PDLIM5: variants seen among roughly 807,000 people sequenced by gnomAD.
PDLIM5 encodes the protein PDZ and LIM domain protein 5.
Under a neutral mutation model 64.2 loss-of-function variants are expected in PDLIM5, and 34 were observed. That is an observed-to-expected ratio of 0.53 (90% confidence interval 0.40 to 0.71). The LOEUF (loss-of-function observed/expected upper bound fraction) is 0.71, where lower values mean the gene tolerates loss of function less well. PDLIM5 is among the 30% of genes least tolerant of loss of function. The pLI, the probability that PDLIM5 is intolerant of heterozygous loss-of-function variation, is 0.00. For missense variants in PDLIM5, 683 were observed against 733.6 expected, an observed-to-expected ratio of 0.93 and a Z score of 0.80; for synonymous variants, 253 against 269.1, an observed-to-expected ratio of 0.94 and a Z score of 0.59.
chr4:94,539,493 A>C (rs544428975), intron 3 of PDLIM5, among the ~76,000 whole-genome samples: 1 of 152,302 alleles, frequency 6.6e-6, no homozygotes, highest in Non-Finnish European at 1.5e-5. Context: ...ATTTAACTAC[A>C]GTGGTATGCC....
chr4:94,511,621 AC>A (rs1460387304), intron 2 of PDLIM5, among the ~76,000 whole-genome samples: 1 of 132,722 alleles, frequency 7.5e-6, no homozygotes, highest in Non-Finnish European at 1.6e-5. Flanking sequence ...ACACACACAC[AC>A]CCCTCCACTA....
Position 94,482,871 on chromosome 4 carries a change from A to G in PDLIM5, c.96+27487A>G, listed in dbSNP as rs969128485. On this transcript the variant is annotated intron_variant, in intron 2 of 12. Coordinates refer to ENST00000317968, the MANE Select transcript of PDLIM5 (RefSeq NM_006457.5). ...GCCACTGCACTCGAGCCTGGGTGACAGACCAAGACCCTGTCACTAAAATAA... is the reference window on the plus strand; with the variant it reads ...GCCACTGCACTCGAGCCTGGGTGACGGACCAAGACCCTGTCACTAAAATAA... 9.2e-5 allele frequency among the ~76,000 whole-genome samples: 14 copies of G among 152,190 alleles called. 1 individual carries two copies. The highest frequency in any genetic ancestry group is 2.1e-4 in the Non-Finnish European group (14 of 68,040).
chr4:94,551,143 T>C (rs1230935473), intron 3 of PDLIM5, among the ~76,000 whole-genome samples: 1 of 152,148 alleles, frequency 6.6e-6, no homozygotes, highest in Non-Finnish European at 1.5e-5. Flanking sequence ...GTAATGCCTC[T>C]GCTAGAAAAG....
chr4:94,629,681 TC>T (rs1267051912), intron 8 of PDLIM5, among the ~76,000 whole-genome samples: 1 of 152,230 alleles, frequency 6.6e-6, no homozygotes, highest in Admixed American at 6.5e-5. Flanking sequence ...GAAGCTAGCC[TC>T]CTGAAGATGT....
At chr4:94,553,376 T>A (rs1326849561) in intron 3 of PDLIM5, among the ~76,000 whole-genome samples, 2 of 152,214 alleles carry the variant, frequency 1.3e-5, no homozygotes, top group Non-Finnish European at 2.9e-5. Flanking sequence ...CCCAAAGTGC[T>A]GGGATTACAG....
intron 7 of PDLIM5, chr4:94,608,168 A>G (rs1177840976): frequency 2.6e-6 from 4 of 1,529,940 alleles, no homozygotes; most frequent in Non-Finnish European, 3.5e-6. Flanking sequence ...AGTAGCAACT[A>G]CTTATTCTAG....
intron 3 of PDLIM5, among the ~76,000 whole-genome samples, chr4:94,560,539 T>C (rs1333764811): frequency 6.6e-6 from 1 of 152,194 alleles, no homozygotes; most frequent in Non-Finnish European, 1.5e-5. Context: ...TATAAATCCC[T>C]TGTTATTACT....
chr4:94,625,339 C>T (rs189621810), intron 8 of PDLIM5, among the ~76,000 whole-genome samples: 11 of 152,240 alleles, frequency 7.2e-5, no homozygotes, highest in Admixed American at 2.6e-4. Context: ...TATTATTAAA[C>T]GTGTCCATGG....
intron 2 of PDLIM5, among the ~76,000 whole-genome samples, chr4:94,482,076 A>G (rs1719966740): frequency 6.6e-6 from 1 of 151,844 alleles, no homozygotes; most frequent in Non-Finnish European, 1.5e-5. Context: ...TTCTATTTTT[A>G]ATCATCTGTG....
intron 2 of PDLIM5, among the ~76,000 whole-genome samples, chr4:94,522,713 CT>C (rs1321472409): frequency 3.9e-5 from 6 of 152,178 alleles, no homozygotes; most frequent in Non-Finnish European, 7.3e-5. Flanking sequence ...GACCTTCTGA[CT>C]TACCTAGTTC....
intron 2 of PDLIM5, chr4:94,457,118 T>A: frequency 2.2e-6 from 2 of 913,380 alleles, no homozygotes; most frequent in Non-Finnish European, 2.6e-6. Context: ...GTATCCAACT[T>A]CATTTTGAAA....
At chr4:94,517,366 T>C (rs1440402618) in intron 2 of PDLIM5, among the ~76,000 whole-genome samples, 2 of 152,226 alleles carry the variant, frequency 1.3e-5, no homozygotes, top group Admixed American at 6.5e-5. Flanking sequence ...CATAGTCTTA[T>C]ATGTCCAGAT....
chr4:94,573,224 G>A, intron 3 of PDLIM5, 127 bp from the exon 4 acceptor site: 1 of 685,900 alleles, frequency 1.5e-6, no homozygotes, highest in Admixed American at 2.8e-5. Context: ...TATGAATTAT[G>A]AAACGATACA....
intron 8 of PDLIM5, among the ~76,000 whole-genome samples, chr4:94,620,783 C>G (rs567617411): frequency 2.6e-5 from 4 of 152,042 alleles, no homozygotes; most frequent in African/African-American, 9.6e-5. Context: ...AGTGGCTGGG[C>G]ACAGTGACTC....
In PDLIM5 at chr4:94,523,759, A is replaced by G. The variant is rs1052449315; in HGVS notation, c.132A>G (p.Val44=). 6.2e-7 allele frequency: 1 copy of G among 1,613,202 alleles called. No individual in the cohort carries two copies. Among genetic ancestry groups the G allele is most frequent in the African/African-American group, 1.3e-5 (1 of 75,028 alleles). Residue 44 remains valine, a synonymous_variant, in exon 3 of 13, where the codon GTA becomes GTG. Coordinates refer to ENST00000317968, the MANE Select transcript of PDLIM5 (RefSeq NM_006457.5). The part of the protein sequence containing the change: ...KDGGKAAQAN[V]RIGDVVLSID... The stretch of plus-strand genomic sequence containing the variant: ...GCGGCAAGGCAGCCCAGGCAAATGT[A>G]AGAATAGGCGATGTGGTTCTCAGCA...
chr4:94,612,597 C>G (rs1738465668), intron 7 of PDLIM5, among the ~76,000 whole-genome samples: 2 of 152,118 alleles, frequency 1.3e-5, no homozygotes. Context: ...TCTATGGCCC[C>G]ACCTCTAGAG....
At chr4:94,499,734 G>A (rs1727742431) in intron 2 of PDLIM5, among the ~76,000 whole-genome samples, 1 of 152,222 alleles carries the variant, frequency 6.6e-6, no homozygotes, top group South Asian at 2.1e-4. Flanking sequence ...TGGCAGGTGA[G>A]TGAGCATTAC....
In PDLIM5 at chr4:94,585,633, G is replaced by A. The variant is rs772334358; in HGVS notation, c.779G>A (p.Ser260Asn). 1 of 1,612,860 alleles carries A rather than the reference G, an allele frequency of 6.2e-7. No individual in the cohort carries two copies. The highest frequency in any genetic ancestry group is 1.3e-5 in the African/African-American group (1 of 74,798). The change falls in exon 6 of 13, where the codon AGC becomes AAC. Residue 260 changes from serine to asparagine, a missense_variant. Coordinates refer to ENST00000317968, the MANE Select transcript of PDLIM5 (RefSeq NM_006457.5). ...CATGTACCCACTCACAGTGATGCCA[G>A]CAAGAAGAGACTGATTGAGGATACT... ...FYHVPTHSDA[S>N]KKRLIEDTED...
chr4:94,577,546 A>G (rs1047305453), intron 5 of PDLIM5: 4 of 296,710 alleles, frequency 1.3e-5, no homozygotes, highest in African/African-American at 6.7e-5. Flanking sequence ...AGGAAGAGAA[A>G]CAGTATGGAG....
Sources: allele counts gnomAD v4.1 joint callset (sites outside exome capture counted in the v4.1 genomes callset), GRCh38; gene constraint gnomAD v4.1.1; transcripts MANE v1.5; gene names NCBI Gene and HGNC (gene_info 2026-07-23, HGNC 2026-07-21).